CDH18: variants seen among roughly 807,000 people sequenced by gnomAD.
CDH18 encodes cadherin-18.
A neutral mutation model predicts 67.9 loss-of-function variants in CDH18; 31 were observed. The ratio of observed to expected loss-of-function variants is 0.46; its 90% CI spans 0.34 to 0.62. The LOEUF (loss-of-function observed/expected upper bound fraction) is 0.62. Among genes scored for constraint, CDH18 ranks in the 20% least tolerant of loss-of-function variants. CDH18 has a pLI of 0.01. For missense variants in CDH18, 890 were observed against 975.5 expected (o/e 0.91, Z 1.17); for synonymous variants, 362 against 347.2 (o/e 1.04, Z -0.48).
intron 2 of CDH18, among the ~76,000 whole-genome samples, chr5:20,189,850 A>C (rs1329401999): frequency 6.6e-6 from 1 of 152,108 alleles, no homozygotes; most frequent in Non-Finnish European, 1.5e-5. Context: ...TCTGATCTCC[A>C]AGTCCATCTT....
At chr5:20,325,847 A>G (rs1242985734) in intron 1 of CDH18, among the ~76,000 whole-genome samples, 1 of 152,090 alleles carries the variant, frequency 6.6e-6, no homozygotes, top group Non-Finnish European at 1.5e-5. Flanking sequence ...AAGGCCATCT[A>G]TGACATCTAC....
intron 5 of CDH18, among the ~76,000 whole-genome samples, chr5:19,677,695 T>TAAA (rs201006874): frequency 7.1e-6 from 1 of 141,720 alleles, no homozygotes; most frequent in Non-Finnish European, 1.6e-5. Flanking sequence ...AACCGTAAAC[T>TAAA]AAAAAAAAAA....
intron 2 of CDH18, among the ~76,000 whole-genome samples, chr5:20,070,748 A>C (rs1007700140): frequency 6.6e-6 from 1 of 152,222 alleles, no homozygotes; most frequent in Non-Finnish European, 1.5e-5. Context: ...AGCTACCTTA[A>C]CACTGTACTT....
intron 2 of CDH18, among the ~76,000 whole-genome samples, chr5:20,204,176 G>T (rs1204223256): frequency 6.6e-6 from 1 of 151,922 alleles, no homozygotes; most frequent in Non-Finnish European, 1.5e-5. Context: ...AGCCCACTAA[G>T]ATAATCTCAA....
At chr5:20,064,170 A>T (rs1179036050) in intron 2 of CDH18, among the ~76,000 whole-genome samples, 1 of 152,142 alleles carries the variant, frequency 6.6e-6, no homozygotes, top group East Asian at 1.9e-4. Flanking sequence ...ATTTTCTCTA[A>T]AGTCTTAGCA....
chr5:20,042,966 AAATTAATTAATT>A (rs36074065), intron 2 of CDH18, among the ~76,000 whole-genome samples: 1 of 151,486 alleles, frequency 6.6e-6, no homozygotes, highest in Admixed American at 6.6e-5. Flanking sequence ...CGTCTCAAAA[AAATTAATTAATT>A]AATTAATTAA....
At chr5:19,825,258 G>A (rs1398955506) in intron 3 of CDH18, among the ~76,000 whole-genome samples, 1 of 152,126 alleles carries the variant, frequency 6.6e-6, no homozygotes, top group Non-Finnish European at 1.5e-5. Context: ...AGTCAGGCAA[G>A]CAATGCCAGC....
chr5:20,169,277 C>T (rs1362956886), intron 2 of CDH18, among the ~76,000 whole-genome samples: 1 of 151,600 alleles, frequency 6.6e-6, no homozygotes, highest in East Asian at 1.9e-4. Context: ...ATGTACCCAC[C>T]AATATTAAAA....
chr5:20,407,543 A>G (rs904706089), intron 1 of CDH18, among the ~76,000 whole-genome samples: 98 of 151,096 alleles, frequency 6.5e-4, no homozygotes, highest in Non-Finnish European at 1.2e-3. Flanking sequence ...TCTCAGGGAA[A>G]AAATGAACTA....
At chr5:20,198,698 C>T (rs557056423) in intron 2 of CDH18, among the ~76,000 whole-genome samples, 1 of 152,130 alleles carries the variant, frequency 6.6e-6, no homozygotes. Flanking sequence ...GTCTCCAGGG[C>T]ATGTCAGAGG....
At chr5:20,064,148 C>T (rs558535889) in intron 2 of CDH18, among the ~76,000 whole-genome samples, 12 of 152,244 alleles carry the variant, frequency 7.9e-5, no homozygotes, top group Admixed American at 7.2e-4. Context: ...AAACAATCTG[C>T]TATCAGTTAA....
chr5:20,241,550 T>C (rs987542118), intron 2 of CDH18, among the ~76,000 whole-genome samples: 31 of 152,004 alleles, frequency 2.0e-4, no homozygotes, highest in Admixed American at 1.3e-4. Flanking sequence ...TGAATATATA[T>C]GTATTAAGAT....
chr5:20,456,445 CTG>C (rs1417807711), intron 1 of CDH18, among the ~76,000 whole-genome samples: 1 of 152,088 alleles, frequency 6.6e-6, no homozygotes, highest in African/African-American at 2.4e-5. Context: ...CCATGGCAGA[CTG>C]TGGCAAACAA....
At chr5:19,818,321 G>A (rs1196502301) in intron 3 of CDH18, among the ~76,000 whole-genome samples, 1 of 152,096 alleles carries the variant, frequency 6.6e-6, no homozygotes. Flanking sequence ...CTATTATAAT[G>A]AGCATTATGA....
At chr5:19,609,671 A>G (rs1348685827) in intron 6 of CDH18, among the ~76,000 whole-genome samples, 1 of 152,020 alleles carries the variant, frequency 6.6e-6, no homozygotes, top group African/African-American at 2.4e-5. Flanking sequence ...ACACTTTGAG[A>G]GAATATTTTT....
chr5:19,825,211 G>A (rs1780279530), intron 3 of CDH18, among the ~76,000 whole-genome samples: 1 of 152,106 alleles, frequency 6.6e-6, no homozygotes, highest in South Asian at 2.1e-4. Flanking sequence ...GCATCCAGAT[G>A]GCAGGGTGGG....
chr5:20,428,781 C>T lies in CDH18; in HGVS notation c.-580+146681G>A, dbSNP rs899771621. Among the ~76,000 whole-genome samples, 4 of 152,060 alleles carry T rather than the reference C, an allele frequency of 2.6e-5. No homozygotes were observed. The South Asian group carries it at 6.2e-4, about 24-fold the overall frequency. ...AGCAAAATGGACCACAAATAATCTGCGTTATTCAGCACTTCATTTGCTACC... is the reference window on the plus strand; with the variant it reads ...AGCAAAATGGACCACAAATAATCTGTGTTATTCAGCACTTCATTTGCTACC... On this transcript the variant is annotated intron_variant, in intron 1 of 14. Transcript: ENST00000507958.
At chr5:19,960,668 T>C (rs1307513093) in intron 2 of CDH18, among the ~76,000 whole-genome samples, 1 of 128,556 alleles carries the variant, frequency 7.8e-6, no homozygotes, top group African/African-American at 4.0e-5. Flanking sequence ...TATATACACA[T>C]GTATATATAT....
intron 2 of CDH18, among the ~76,000 whole-genome samples, chr5:19,842,067 A>G (rs951780133): frequency 1.3e-5 from 2 of 152,250 alleles, no homozygotes; most frequent in African/African-American, 4.8e-5. Context: ...AAAAATTGAA[A>G]TGCAAATAAT....
Sources: allele counts gnomAD v4.1 joint callset (sites outside exome capture counted in the v4.1 genomes callset), GRCh38; gene constraint gnomAD v4.1.1; transcripts MANE v1.5; gene names NCBI Gene and HGNC (gene_info 2026-07-23, HGNC 2026-07-21).